Variants in TES observed in about 807,000 individuals in gnomAD.
TES encodes the protein testin LIM domain protein, also known as testin.
Under a neutral mutation model 48.2 loss-of-function variants are expected in TES, and 41 were observed. That is an observed-to-expected ratio of 0.85 (90% confidence interval 0.66 to 1.10). The LOEUF (loss-of-function observed/expected upper bound fraction) is 1.10, where lower values mean the gene tolerates loss of function less well. TES is among the 50% of genes least tolerant of loss of function. The probability of loss-of-function intolerance (pLI) is 0.00; values close to 1 mark genes in which losing one functional copy is unlikely to be tolerated. For synonymous variants in TES, 162 were observed against 174.9 expected (o/e 0.93, Z 0.58); for missense variants, 463 against 515.1 (o/e 0.90, Z 0.98).
intron 4 of TES, 192 bp from the exon 5 acceptor site, chr7:116,251,553 GGCGCCTGTAGTCCCA>G (rs1725069234): frequency 1.2e-5 from 6 of 520,512 alleles, no homozygotes; most frequent in Non-Finnish European, 2.1e-5. Flanking sequence ...CGTGGTGGCA[GGCGCCTGTAGTCCCA>G]GCTACTCGGG....
At chr7:116,228,002 T>C (rs1231147921) in intron 1 of TES, among the ~76,000 whole-genome samples, 1 of 135,852 alleles carries the variant, frequency 7.4e-6, no homozygotes, top group East Asian at 2.1e-4. Flanking sequence ...CCATAGTCTT[T>C]TTTTTGTTTT....
At chr7:116,219,822 A>G (rs1799535866) in intron 1 of TES, among the ~76,000 whole-genome samples, 1 of 152,192 alleles carries the variant, frequency 6.6e-6, no homozygotes, top group Non-Finnish European at 1.5e-5. Flanking sequence ...GTATTCTGAG[A>G]TGATATTCTG....
chr7:116,228,416 T>C (rs1214693895), intron 1 of TES, among the ~76,000 whole-genome samples: 1 of 152,200 alleles, frequency 6.6e-6, no homozygotes, highest in East Asian at 1.9e-4. Context: ...GTCATATCCT[T>C]TTATTGATGC....
At chr7:116,237,669 A>G (rs1799790002) in intron 2 of TES, among the ~76,000 whole-genome samples, 1 of 152,200 alleles carries the variant, frequency 6.6e-6, no homozygotes, top group African/African-American at 2.4e-5. Context: ...CTGCCATAAC[A>G]AAATATCACA....
At chr7:116,217,781 A>G (rs769958253) in intron 1 of TES, 1 of 518,380 alleles carries the variant, frequency 1.9e-6, no homozygotes, top group African/African-American at 1.9e-5. Context: ...TTTAGAGGTT[A>G]TGCTTTTCAA....
intron 1 of TES, among the ~76,000 whole-genome samples, chr7:116,221,276 A>G (rs1433149874): frequency 1.3e-5 from 2 of 152,182 alleles, no homozygotes; most frequent in Non-Finnish European, 2.9e-5. Context: ...CGCTATGCAA[A>G]GGATTCAAAG....
intron 2 of TES, among the ~76,000 whole-genome samples, chr7:116,240,503 A>G (rs1385098110): frequency 6.6e-6 from 1 of 151,488 alleles, no homozygotes; most frequent in African/African-American, 2.4e-5. Flanking sequence ...TTTCCTCCAT[A>G]CATATTAATG....
At chr7:116,216,064 T>A (rs909122087) in intron 1 of TES, among the ~76,000 whole-genome samples, 2 of 152,162 alleles carry the variant, frequency 1.3e-5, no homozygotes, top group African/African-American at 4.8e-5. Flanking sequence ...ATTGTTAGCA[T>A]GCGATCAACA....
intron 1 of TES, among the ~76,000 whole-genome samples, chr7:116,227,485 C>G (rs78355653): frequency 2.0e-5 from 3 of 152,158 alleles, no homozygotes; most frequent in South Asian, 2.1e-4. Context: ...TGAACTAAAA[C>G]GTTCAAATTT....
intron 2 of TES, among the ~76,000 whole-genome samples, chr7:116,243,639 A>G (rs1424778855): frequency 6.6e-6 from 1 of 152,182 alleles, no homozygotes; most frequent in Non-Finnish European, 1.5e-5. Flanking sequence ...GGAGACTTCC[A>G]TCAACCTTCC....
At chr7:116,251,063 T>C (rs535472862) in intron 4 of TES, among the ~76,000 whole-genome samples, 1 of 152,292 alleles carries the variant, frequency 6.6e-6, no homozygotes, top group South Asian at 2.1e-4. Context: ...ATATTCCTCA[T>C]AGCTCCAGTT....
chr7:116,252,569 A>G (rs763784773), intron 6 of TES, 93 bp downstream of exon 6: 2 of 1,588,368 alleles, frequency 1.3e-6, no homozygotes, highest in East Asian at 4.5e-5. Flanking sequence ...GGAAACAGAA[A>G]GCAGTCCTCC....
chr7:116,258,343 C>CA lies in TES; in HGVS notation c.*862dup, dbSNP rs1412778610. ...CAGGCTGGTCTCAAACTCCTGACCT[C>CA]AGATGATCCGCCTGCCTTGGCCTCC... is the stretch of plus-strand genomic sequence containing the variant. On this transcript the variant is annotated 3_prime_UTR_variant, in exon 7 of 7. Transcript: ENST00000358204. 2 of 152,500 alleles carry CA rather than the reference C, an allele frequency of 1.3e-5. No homozygotes were observed. Among genetic ancestry groups the CA allele is most frequent in the African/African-American group, 4.8e-5 (2 of 41,430 alleles). 9.4% of individuals were successfully genotyped at this position (152,500 alleles called of 1,614,324 possible). A position where few individuals can be genotyped will look rare whatever the true frequency, so the allele number is the denominator to read the frequency against.
At chr7:116,217,401 A>G (rs974052426) in intron 1 of TES, among the ~76,000 whole-genome samples, 2 of 152,186 alleles carry the variant, frequency 1.3e-5, no homozygotes, top group Non-Finnish European at 2.9e-5. Flanking sequence ...CTCCCTGCCT[A>G]CAAATGCCTT....
At chr7:116,242,635 A>G (rs1011709215) in intron 2 of TES, among the ~76,000 whole-genome samples, 7 of 152,180 alleles carry the variant, frequency 4.6e-5, no homozygotes, top group African/African-American at 1.7e-4. Flanking sequence ...ACTAAAATCT[A>G]TAATTAATAA....
chr7:116,250,046 C>T, intron 3 of TES, 115 bp from the exon 4 acceptor site: 1 of 761,146 alleles, frequency 1.3e-6, no homozygotes, highest in African/African-American at 1.8e-5. Context: ...GGGTGAGTTG[C>T]TGCTATTGGA....
chr7:116,236,055 G>A (rs1308098488), intron 2 of TES, among the ~76,000 whole-genome samples: 2 of 152,136 alleles, frequency 1.3e-5, no homozygotes, highest in Non-Finnish European at 2.9e-5. Context: ...CCCTTGTGCT[G>A]TCTCTTCAAG....
rs2116581778 is a variant in TES at position 116,225,177 on chromosome 7, A to C, written c.28-9357A>C. Among the ~76,000 whole-genome samples, 2 of 151,532 alleles carry C rather than the reference A, an allele frequency of 1.3e-5. 1 individual carries two copies. Among genetic ancestry groups the C allele is most frequent in the East Asian group, 3.9e-4 (2 of 5,154 alleles). On this transcript the variant is annotated intron_variant, in intron 1 of 6. Coordinates refer to ENST00000358204, the MANE Select transcript of TES (RefSeq NM_015641.4). ...CTCATTTTTTAAAGTATAGTTAAAA[A>C]CACTTCAACATATCCTGCCAAAACT...
Position 116,210,565 on chromosome 7 carries a change from T to C in TES, c.-143T>C, listed in dbSNP as rs1799422117. 4 of 959,820 alleles carry C rather than the reference T, an allele frequency of 4.2e-6. No homozygotes were observed. The South Asian group carries it at 1.3e-4, about 32-fold the overall frequency. The allele number at this position is 959,820 out of a possible 1,614,324, so 59.5% of individuals were successfully genotyped here. On this transcript the variant is annotated 5_prime_UTR_variant, in exon 1 of 7. Transcript: ENST00000358204. ...CTGCGGCGGACTGGGCGGCGGAAGT[T>C]CGACGGCGCCGGGCGAGTGGCTGTT... is the stretch of plus-strand genomic sequence containing the variant.
Sources: allele counts gnomAD v4.1 joint callset (sites outside exome capture counted in the v4.1 genomes callset), GRCh38; gene constraint gnomAD v4.1.1; transcripts MANE v1.5; gene names NCBI Gene and HGNC (gene_info 2026-07-23, HGNC 2026-07-21).